The following CYFIP1 variants were observed in gnomAD, a reference collection of about 807,000 sequenced individuals.
CYFIP1 encodes cytoplasmic FMR1 interacting protein 1.
Under a neutral mutation model 163.5 loss-of-function variants are expected in CYFIP1, and 58 were observed. That is an observed-to-expected ratio of 0.35 (90% CI 0.29 to 0.44). The LOEUF is 0.44. CYFIP1 is among the 20% of genes least tolerant of loss of function. CYFIP1 has a pLI of 1.00. For synonymous variants in CYFIP1, 663 were observed against 660.7 expected, an observed-to-expected ratio of 1.00 and a Z score of -0.05; for missense variants, 1,338 against 1,653.8, an observed-to-expected ratio of 0.81 and a Z score of 3.31.
At chr15:22,884,363 A>C (rs185409147) in intron 23 of CYFIP1, among the ~76,000 whole-genome samples, 1 of 152,356 alleles carries the variant, frequency 6.6e-6, no homozygotes, top group African/African-American at 2.4e-5. Context: ...CTCCCATTGC[A>C]AATGGGAGAG....
Position 22,965,152 on chromosome 15 carries a change from T to G in CYFIP1, c.-7+15135A>C, listed in dbSNP as rs183530055. ...ACGTAAAAATACTCTAAACTTAAAA[T>G]TACTTAAAAACATCCTAAATTACTG... On this transcript the variant is annotated intron_variant, in intron 1 of 30. Coordinates refer to ENST00000617928, the MANE Select transcript of CYFIP1 (RefSeq NM_014608.6). Among the ~76,000 whole-genome samples, 9 of 152,094 alleles carry G rather than the reference T, an allele frequency of 5.9e-5. No homozygotes were observed. The East Asian group carries it at 1.4e-3, about 23-fold the overall frequency.
At chr15:22,900,051 A>C (rs1385513780) in intron 22 of CYFIP1, among the ~76,000 whole-genome samples, 1 of 152,180 alleles carries the variant, frequency 6.6e-6, no homozygotes, top group African/African-American at 2.4e-5. Flanking sequence ...CGAAAAAGAT[A>C]TGTTCAATCC....
chr15:22,937,037 T>C, intron 9 of CYFIP1, 67 bp downstream of exon 9: 1 of 1,080,896 alleles, frequency 9.3e-7, no homozygotes, highest in African/African-American at 1.6e-5. Flanking sequence ...ACACAGGGGC[T>C]CACTTCCCCA....
At chr15:22,964,402 C>T (rs2140221757) in intron 1 of CYFIP1, among the ~76,000 whole-genome samples, 1 of 146,764 alleles carries the variant, frequency 6.8e-6, no homozygotes, top group Admixed American at 6.7e-5. Context: ...CACACACACA[C>T]ACACACCCGG....
At chr15:22,951,782 A>G (rs1223571275) in intron 1 of CYFIP1, among the ~76,000 whole-genome samples, 4 of 152,116 alleles carry the variant, frequency 2.6e-5, no homozygotes, top group African/African-American at 4.8e-5. Context: ...AGATGACCCC[A>G]TGGTGGAGGA....
At chr15:22,926,179 G>A (rs942911647) in intron 12 of CYFIP1, 72 bp from the exon 13 acceptor site, 185 of 1,594,572 alleles carry the variant, frequency 1.2e-4, no homozygotes, top group South Asian at 8.5e-4. Flanking sequence ...TGACTCACAC[G>A]ATGGTGGCCA....
chr15:22,930,341 G>A (rs1269761682), intron 11 of CYFIP1, among the ~76,000 whole-genome samples: 4 of 139,170 alleles, frequency 2.9e-5, no homozygotes, highest in African/African-American at 1.1e-4. Flanking sequence ...AGCCGAGATT[G>A]CACCACTGCA....
intron 17 of CYFIP1, 75 bp from the exon 18 acceptor site, chr15:22,912,350 A>G (rs2142071593): frequency 8.8e-7 from 1 of 1,136,438 alleles, no homozygotes; most frequent in South Asian, 1.4e-5. Flanking sequence ...GCCCCACCTC[A>G]GAAACTCAAC....
Position 22,867,254 on chromosome 15 carries a change from T to C in CYFIP1, c.*2774A>G, listed in dbSNP as rs532531041. 201 of 402,746 alleles carry C rather than the reference T, an allele frequency of 5.0e-4. No homozygotes were observed. The highest frequency in any genetic ancestry group is 1.9e-3 in the Middle Eastern group (3 of 1,590). The allele number at this position is 402,746 out of a possible 1,614,324, so 24.9% of individuals were successfully genotyped here. On this transcript the variant is annotated 3_prime_UTR_variant, in exon 31 of 31. Transcript: ENST00000617928. Reference sequence around the variant, plus strand: ...TTTTTATTTTAAAAAAACAGAGTTATCCCAATACATTATCCTGTGATTTAC... The same window carrying C: ...TTTTTATTTTAAAAAAACAGAGTTACCCCAATACATTATCCTGTGATTTAC...
At position 22,951,884 on chromosome 15, in the gene CYFIP1, G is replaced by A. The variant is rs144660621; in HGVS notation, c.-6-4593C>T. Reference sequence around the variant, plus strand: ...CAGGGACCACTGATGTCGAACCCACGGAAAAACGCCAGATGCGCAGCTTGT... The same window carrying A: ...CAGGGACCACTGATGTCGAACCCACAGAAAAACGCCAGATGCGCAGCTTGT... On this transcript the variant is annotated intron_variant, in intron 1 of 30. Coordinates refer to ENST00000617928, the MANE Select transcript of CYFIP1 (RefSeq NM_014608.6). 2.5e-4 allele frequency among the ~76,000 whole-genome samples: 38 copies of A among 152,156 alleles called. No homozygotes were observed. In the East Asian group the frequency reaches 5.0e-3, roughly 20 times the overall value.
intron 16 of CYFIP1, among the ~76,000 whole-genome samples, chr15:22,915,927 C>G (rs2060961607): frequency 6.6e-6 from 1 of 152,164 alleles, no homozygotes; most frequent in Non-Finnish European, 1.5e-5. Context: ...AAAAGTGGTA[C>G]TATTTCCTCC....
At position 22,928,526 on chromosome 15, in the gene CYFIP1, C is replaced by G. The variant is rs190401988; in HGVS notation, c.1111-498G>C. Among the ~76,000 whole-genome samples, 53 of 152,324 alleles carry G rather than the reference C, an allele frequency of 3.5e-4. No individual in the cohort carries two copies. The East Asian group carries it at 7.3e-3, about 21-fold the overall frequency. On this transcript the variant is annotated intron_variant, in intron 11 of 30. Coordinates refer to ENST00000617928, the MANE Select transcript of CYFIP1 (RefSeq NM_014608.6). Reference sequence around the variant, plus strand: ...TGCAGAGCACAGAGCAAGGGACAGGCCGCTGCCACAGCCACCGCCTGGGGG... The same window carrying G: ...TGCAGAGCACAGAGCAAGGGACAGGGCGCTGCCACAGCCACCGCCTGGGGG...
intron 8 of CYFIP1, among the ~76,000 whole-genome samples, chr15:22,937,864 A>G (rs1032981651): frequency 3.9e-5 from 6 of 152,130 alleles, no homozygotes; most frequent in Admixed American, 6.5e-5. Flanking sequence ...CTCAACTCCC[A>G]AAGTGCTGGG....
rs1308998231 is a variant in CYFIP1 at position 22,925,838 on chromosome 15, C to T, written c.1359+144G>A. ...CACTGTTTCTCTAATGCGTTCTACT[C>T]TGACTACTCTGCCAGATGGAAAGGG... On this transcript the variant is annotated intron_variant, in intron 13 of 30. Transcript: ENST00000617928. 2.4e-6 allele frequency: 3 copies of T among 1,250,928 alleles called. No homozygotes were observed. The African/African-American group carries it at 4.5e-5, about 19-fold the overall frequency. 77.5% of individuals were successfully genotyped at this position (1,250,928 alleles called of 1,614,324 possible).
chr15:22,947,156 G>A lies in CYFIP1; in HGVS notation c.117+13C>T, dbSNP rs551251657. 6.2e-7 allele frequency: 1 copy of A among 1,614,100 alleles called. No homozygotes were observed. Among genetic ancestry groups the A allele is most frequent in the African/African-American group, 1.3e-5 (1 of 75,044 alleles). On this transcript the variant is annotated intron_variant, in intron 2 of 30. Transcript: ENST00000617928. ...AGCACAGGCTGTACGCCCTGCAGCT[G>A]CTGGGCACCCACCTGGTAGAGCAGC...
intron 1 of CYFIP1, among the ~76,000 whole-genome samples, chr15:22,967,782 T>C (rs2062961826): frequency 6.6e-6 from 1 of 152,030 alleles, no homozygotes; most frequent in Non-Finnish European, 1.5e-5. Context: ...GCTCCTGTAA[T>C]CCCAGCACTT....
intron 30 of CYFIP1, 177 bp downstream of exon 30, chr15:22,872,648 A>AG (rs1457608633): frequency 1.6e-6 from 1 of 613,288 alleles, no homozygotes; most frequent in Non-Finnish European, 2.8e-6. Context: ...TTTCTCTGCC[A>AG]GACTGCTTTA....
chr15:22,949,939 G>C (rs1287345112), intron 1 of CYFIP1, among the ~76,000 whole-genome samples: 3 of 151,470 alleles, frequency 2.0e-5, no homozygotes, highest in African/African-American at 7.3e-5. Flanking sequence ...GGCCTGTCTG[G>C]GCAACACAGT....
intron 10 of CYFIP1, among the ~76,000 whole-genome samples, chr15:22,932,633 G>A (rs2061574482): frequency 6.6e-6 from 1 of 152,160 alleles, no homozygotes. Context: ...TTGGCTACGG[G>A]CACAGTGCTT....
Sources: gnomAD v4.1 joint callset for allele counts (sites outside exome capture counted in the v4.1 genomes callset) on GRCh38, gnomAD v4.1.1 for gene constraint, MANE v1.5 for transcripts, NCBI Gene and HGNC (gene_info 2026-07-23, HGNC 2026-07-21) for gene names.